Variants in AFG2B observed in about 807,000 individuals in gnomAD.
AFG2B encodes ATPase family gene 2 protein homolog B.
the AFG2B span, chr15:45,414,464 C>T: frequency 2.4e-5 from 24 of 1,020,004 alleles, no homozygotes; most frequent in Non-Finnish European, 3.4e-5. Context: ...CTGTTTCCAG[C>T]TCATAATAGG....
chr15:45,402,724 C>G, the AFG2B span: 1 of 1,564,698 alleles, frequency 6.4e-7, no homozygotes, highest in Non-Finnish European at 8.6e-7. Flanking sequence ...CCTGAATCGC[C>G]TCCTCCTAGT....
the AFG2B span, among the ~76,000 whole-genome samples, chr15:45,408,625 A>C: frequency 2.0e-5 from 3 of 152,230 alleles, no homozygotes; most frequent in Non-Finnish European, 2.9e-5. Context: ...TTTATCAACT[A>C]GTTCAGGCAG....
the AFG2B span, among the ~76,000 whole-genome samples, chr15:45,410,135 T>C: frequency 6.6e-6 from 1 of 152,222 alleles, no homozygotes; most frequent in African/African-American, 2.4e-5. Context: ...TATGTATGCT[T>C]ACTAGCATAA....
the AFG2B span, among the ~76,000 whole-genome samples, chr15:45,409,697 C>T: frequency 0.32 from 47,945 of 149,386 alleles, 8,653 homozygotes; most frequent in East Asian, 0.83. Flanking sequence ...CGCATCTCTA[C>T]AAAAAAAAAA....
the AFG2B span, chr15:45,402,886 C>G: frequency 1.3e-6 from 2 of 1,598,454 alleles, no homozygotes; most frequent in Non-Finnish European, 8.5e-7. Flanking sequence ...GGTGGTCGCT[C>G]CGCCAGGCGC....
chr15:45,405,292 T>G, the AFG2B span: 1 of 1,597,214 alleles, frequency 6.3e-7, no homozygotes, highest in Non-Finnish European at 8.5e-7. Flanking sequence ...TACTTCTTCT[T>G]CTTTTTTTTG....
the AFG2B span, chr15:45,410,522 T>C: frequency 1.9e-6 from 3 of 1,606,428 alleles, no homozygotes; most frequent in Non-Finnish European, 2.6e-6. Flanking sequence ...AAAACTGAAG[T>C]TAAAACAGGT....
the AFG2B span, chr15:45,402,744 G>A: frequency 6.4e-7 from 1 of 1,569,526 alleles, no homozygotes; most frequent in Non-Finnish European, 8.6e-7. Flanking sequence ...TGCCCTGTCC[G>A]CCCCTGCGGC....
At chr15:45,405,461 C>T in the AFG2B span, 2 of 1,614,014 alleles carry the variant, frequency 1.2e-6, no homozygotes, top group Non-Finnish European at 8.5e-7. Context: ...CCTGACAGCA[C>T]TCTGTAGGGA....
chr15:45,410,618 C>T, the AFG2B span: 1 of 1,250,432 alleles, frequency 8.0e-7, no homozygotes, highest in East Asian at 2.5e-5. Context: ...GCTGAAACTG[C>T]TCTTGCTCCT....
chr15:45,421,342 A>AAAG, the AFG2B span: 1 of 603,680 alleles, frequency 1.7e-6, no homozygotes, highest in Non-Finnish European at 2.6e-6. Flanking sequence ...CAAAACAAAA[A>AAAG]AAACTTGTGC....
the AFG2B span, among the ~76,000 whole-genome samples, chr15:45,409,531 C>A: frequency 6.6e-6 from 1 of 151,772 alleles, no homozygotes; most frequent in Non-Finnish European, 1.5e-5. Context: ...CTTGTAAACC[C>A]AGTAATTCTA....
At chr15:45,420,487 A>G in the AFG2B span, among the ~76,000 whole-genome samples, 6 of 152,190 alleles carry the variant, frequency 3.9e-5, no homozygotes, top group East Asian at 3.8e-4. Context: ...CATAAAATAC[A>G]TATTAATCTG....
chr15:45,415,073 C>T, the AFG2B span, among the ~76,000 whole-genome samples: 1 of 152,036 alleles, frequency 6.6e-6, no homozygotes, highest in African/African-American at 2.4e-5. Context: ...AATATTACTA[C>T]TTTTGAAATT....
At chr15:45,403,453 G>GT in the AFG2B span, 1 of 1,608,968 alleles carries the variant, frequency 6.2e-7, no homozygotes, top group East Asian at 2.2e-5. Context: ...CGTGGTTGTG[G>GT]GAGCCACTAA....
chr15:45,416,732 T>C, the AFG2B span: 3 of 152,316 alleles, frequency 2.0e-5, no homozygotes, highest in Non-Finnish European at 4.4e-5. Context: ...TGATTTTGAA[T>C]GCTTAGTATA....
At chr15:45,409,660 A>C in the AFG2B span, among the ~76,000 whole-genome samples, 1 of 152,104 alleles carries the variant, frequency 6.6e-6, no homozygotes, top group Non-Finnish European at 1.5e-5. Flanking sequence ...CATGAGTTCC[A>C]GACCAGCCTG....
the AFG2B span, chr15:45,414,504 A>G: frequency 1.4e-6 from 2 of 1,453,880 alleles, no homozygotes; most frequent in East Asian, 4.7e-5. Context: ...GAAGAAATGA[A>G]TTTACTGGAT....
At chr15:45,405,065 A>G in the AFG2B span, among the ~76,000 whole-genome samples, 1 of 152,030 alleles carries the variant, frequency 6.6e-6, no homozygotes, top group Non-Finnish European at 1.5e-5. Context: ...TCTAGTAGCT[A>G]TTTTGAAATA....
Sources: allele counts gnomAD v4.1 joint callset (sites outside exome capture counted in the v4.1 genomes callset), GRCh38; gene constraint gnomAD v4.1.1; transcripts MANE v1.5; gene names NCBI Gene and HGNC (gene_info 2026-07-23, HGNC 2026-07-21).